MROH2B: variants seen among roughly 807,000 people sequenced by gnomAD.
MROH2B encodes maestro heat like repeat family member 2B.
A neutral mutation model predicts 208.6 loss-of-function variants in MROH2B; 177 were observed. That is an observed-to-expected ratio of 0.85 (90% confidence interval 0.75 to 0.96). The LOEUF is 0.96. MROH2B is among the 40% of genes least tolerant of loss of function. The probability of loss-of-function intolerance (pLI) is 0.00; values close to 1 mark genes in which losing one functional copy is unlikely to be tolerated. For missense variants in MROH2B, 2,002 were observed against 1,878.7 expected, an observed-to-expected ratio of 1.07 and a Z score of -1.21; for synonymous variants, 728 against 659.0, an observed-to-expected ratio of 1.10 and a Z score of -1.60.
chr5:41,039,510 T>TTTTAA lies in MROH2B; in HGVS notation c.1998_1999insTTAAA (p.Ile667LeufsTer5). 1 of 1,608,410 alleles carries TTTTAA rather than the reference T, an allele frequency of 6.2e-7. No homozygotes were observed. Among genetic ancestry groups the TTTTAA allele is most frequent in the Non-Finnish European group, 8.5e-7 (1 of 1,176,902 alleles). On this transcript the variant is annotated frameshift_variant, in exon 20 of 42. Coordinates refer to ENST00000399564, the MANE Select transcript of MROH2B (RefSeq NM_173489.5). LOFTEE classifies it high-confidence loss of function. ...AATGTTTTAAGAACTTTTAAAACAA[T>TTTTAA]ATCCAAATGGTTCTCGGCACAGTAT...
At chr5:41,019,489 T>C (rs557179150) in intron 24 of MROH2B, among the ~76,000 whole-genome samples, 1 of 152,346 alleles carries the variant, frequency 6.6e-6, no homozygotes, top group Non-Finnish European at 1.5e-5. Context: ...TATAGGTTCT[T>C]ATGAATGCAC....
At chr5:41,065,611 A>T (rs1373391419) in intron 3 of MROH2B, 121 bp from the exon 4 acceptor site, 4 of 821,004 alleles carry the variant, frequency 4.9e-6, no homozygotes, top group Non-Finnish European at 5.4e-6. Flanking sequence ...TTATAGATTC[A>T]GGGGGTACAT....
intron 24 of MROH2B, among the ~76,000 whole-genome samples, chr5:41,028,607 A>T (rs549495639): frequency 1.3e-5 from 2 of 152,144 alleles, no homozygotes; most frequent in Non-Finnish European, 2.9e-5. Context: ...ATAATGTTGT[A>T]CAGGTCCACT....
chr5:41,070,767 T>A (rs780497078), intron 1 of MROH2B, 58 bp downstream of exon 1: 47 of 1,575,146 alleles, frequency 3.0e-5, no homozygotes, highest in Non-Finnish European at 4.0e-5. Context: ...TACTTATAAT[T>A]CCACAGAAAC....
intron 20 of MROH2B, among the ~76,000 whole-genome samples, 200 bp from the exon 21 acceptor site, chr5:41,039,088 G>C (rs1390686380): frequency 6.6e-6 from 1 of 152,144 alleles, no homozygotes; most frequent in Non-Finnish European, 1.5e-5. Flanking sequence ...CAGGCCTTCA[G>C]AGAGGTAACT....
chr5:40,998,138 C>A lies in MROH2B; in HGVS notation c.4672G>T (p.Asp1558Tyr). 1 of 1,611,664 alleles carries A rather than the reference C, an allele frequency of 6.2e-7. No homozygotes were observed. The highest frequency in any genetic ancestry group is 8.5e-7 in the Non-Finnish European group (1 of 1,178,210). The change falls in exon 42 of 42, where the codon GAT (aspartate) becomes TAT (tyrosine). Residue 1558 changes from aspartate (D) to tyrosine (Y), a missense_variant. Transcript: ENST00000399564. ...GCTCTCTGGACACTAATACACGGAT[C>A]TTGACGAAGTGCTTGGAGTCCTGAA... ...LTTRLQALRQDPCISVQRAAE... is the reference protein window; with the variant it reads ...LTTRLQALRQYPCISVQRAAE...
intron 19 of MROH2B, 133 bp from the exon 20 acceptor site, chr5:41,039,688 C>A: frequency 1.7e-6 from 1 of 582,664 alleles, no homozygotes; most frequent in Non-Finnish European, 3.0e-6. Context: ...ATACCAAAGT[C>A]CCCATCTTTG....
At chr5:41,041,128 A>T (rs1435480829) in intron 19 of MROH2B, among the ~76,000 whole-genome samples, 6 of 152,206 alleles carry the variant, frequency 3.9e-5, no homozygotes, top group African/African-American at 1.2e-4. Flanking sequence ...AATATCTGAC[A>T]AGAAAAAGGA....
intron 35 of MROH2B, 156 bp from the exon 36 acceptor site, chr5:41,005,076 C>T: frequency 9.9e-7 from 1 of 1,012,438 alleles, no homozygotes; most frequent in Non-Finnish European, 1.4e-6. Flanking sequence ...CTTGCTGAAG[C>T]TGAGCTCTAG....
intron 28 of MROH2B, among the ~76,000 whole-genome samples, chr5:41,017,447 A>T (rs923999483): frequency 2.6e-5 from 4 of 152,286 alleles, no homozygotes; most frequent in South Asian, 2.1e-4. Context: ...TAATATGCCC[A>T]ATTGCTTAGT....
intron 9 of MROH2B, 166 bp downstream of exon 9, chr5:41,056,943 A>G (rs899335971): frequency 2.9e-6 from 2 of 692,958 alleles, no homozygotes; most frequent in Non-Finnish European, 4.9e-6. Flanking sequence ...CCTCCTGGGA[A>G]CTTGTGGGGA....
At chr5:41,052,014 T>C (rs974410190) in intron 12 of MROH2B, among the ~76,000 whole-genome samples, 8 of 152,156 alleles carry the variant, frequency 5.3e-5, no homozygotes, top group African/African-American at 1.9e-4. Context: ...TGTTCCATGG[T>C]ATTTTGCTAT....
At chr5:41,000,115 GT>G in intron 39 of MROH2B, 104 bp downstream of exon 39, 1 of 1,472,554 alleles carries the variant, frequency 6.8e-7, no homozygotes. Flanking sequence ...TTCCAAGGCA[GT>G]TCTGGCTCTG....
At chr5:41,050,174 A>T (rs1270501634) in intron 13 of MROH2B, among the ~76,000 whole-genome samples, 1 of 152,186 alleles carries the variant, frequency 6.6e-6, no homozygotes, top group African/African-American at 2.4e-5. Context: ...CTCATGTGTG[A>T]ATCTACTGAT....
At chr5:41,037,419 T>A (rs569537431) in intron 21 of MROH2B, among the ~76,000 whole-genome samples, 1 of 152,192 alleles carries the variant, frequency 6.6e-6, no homozygotes, top group East Asian at 1.9e-4. Context: ...ATGTTGAAAA[T>A]GCAAATTCAG....
At chr5:41,017,813 CT>C (rs764699343) in intron 28 of MROH2B, 36 bp downstream of exon 28, 1 of 1,549,252 alleles carries the variant, frequency 6.5e-7, no homozygotes, top group Admixed American at 2.0e-5. Context: ...AGATGGGTTT[CT>C]TTTCTTCATT....
chr5:41,030,308 G>T (rs1379513185), intron 24 of MROH2B, among the ~76,000 whole-genome samples: 1 of 151,518 alleles, frequency 6.6e-6, no homozygotes, highest in Non-Finnish European at 1.5e-5. Flanking sequence ...CAAAGTTTTG[G>T]GTCACAAAAA....
chr5:41,005,465 C>T, intron 35 of MROH2B, 66 bp downstream of exon 35: 1 of 817,932 alleles, frequency 1.2e-6, no homozygotes, highest in Non-Finnish European at 1.8e-6. Flanking sequence ...ACACTGGGCT[C>T]CAGACCATAA....
chr5:41,052,624 T>A (rs759638686), intron 11 of MROH2B, 37 bp from the exon 12 acceptor site: 2 of 1,550,558 alleles, frequency 1.3e-6, no homozygotes, highest in South Asian at 2.5e-5. Context: ...CATTTTACTA[T>A]GTTTTGCAGA....
Sources: gnomAD v4.1 joint callset for allele counts (sites outside exome capture counted in the v4.1 genomes callset) on GRCh38, gnomAD v4.1.1 for gene constraint, MANE v1.5 for transcripts, NCBI Gene and HGNC (gene_info 2026-07-23, HGNC 2026-07-21) for gene names.